The following HPF1 variants were observed in gnomAD, a reference collection of about 807,000 sequenced individuals.
The protein encoded by HPF1 is UPF0609 protein C4orf27.
Under a neutral mutation model 38.8 loss-of-function variants are expected in HPF1, and 35 were observed. That is an observed-to-expected ratio of 0.90 (90% CI 0.69 to 1.19). HPF1 has a LOEUF of 1.19. HPF1 is among the 50% of genes most tolerant of loss of function. The pLI is 0.00. For missense variants in HPF1, 367 were observed against 405.8 expected (o/e 0.90, Z 0.82); for synonymous variants, 115 against 139.2 (o/e 0.83, Z 1.22).
intron 4 of HPF1, among the ~76,000 whole-genome samples, chr4:169,746,923 T>TAA (rs35498061): frequency 2.3e-5 from 3 of 130,294 alleles, no homozygotes; most frequent in Admixed American, 8.0e-5. Flanking sequence ...CCAATTAGCT[T>TAA]AAAAAAAAAA....
chr4:169,734,909 T>A (rs1304322491), intron 6 of HPF1, among the ~76,000 whole-genome samples: 1 of 152,028 alleles, frequency 6.6e-6, no homozygotes, highest in East Asian at 1.9e-4. Flanking sequence ...GTAGATAACT[T>A]GAGGTCAGGA....
chr4:169,751,992 A>C (rs1335207079), intron 2 of HPF1, among the ~76,000 whole-genome samples: 1 of 152,070 alleles, frequency 6.6e-6, no homozygotes, highest in African/African-American at 2.4e-5. Context: ...AAATGTTCTG[A>C]ATATTTTTCC....
intron 4 of HPF1, among the ~76,000 whole-genome samples, chr4:169,743,879 G>GAAA (rs757305554): frequency 6.8e-6 from 1 of 146,192 alleles, no homozygotes. Context: ...TACTTATCAG[G>GAAA]AAAAAAAAAA....
intron 5 of HPF1, among the ~76,000 whole-genome samples, chr4:169,740,159 T>C (rs1312161893): frequency 2.0e-5 from 3 of 152,038 alleles, no homozygotes; most frequent in Non-Finnish European, 4.4e-5. Context: ...TATGAAGAAA[T>C]CCAGGTATGA....
At chr4:169,735,752 T>C (rs1733883533) in intron 6 of HPF1, among the ~76,000 whole-genome samples, 1 of 151,960 alleles carries the variant, frequency 6.6e-6, no homozygotes, top group Non-Finnish European at 1.5e-5. Flanking sequence ...GATGACTTAG[T>C]GTAGAAGCAG....
intron 5 of HPF1, among the ~76,000 whole-genome samples, chr4:169,741,317 C>G (rs1482949995): frequency 1.3e-5 from 2 of 152,154 alleles, no homozygotes; most frequent in African/African-American, 4.8e-5. Flanking sequence ...CTGGGGAGCC[C>G]TCATTCCAGT....
At chr4:169,733,853 C>A (rs1733860811) in intron 6 of HPF1, among the ~76,000 whole-genome samples, 1 of 150,548 alleles carries the variant, frequency 6.6e-6, no homozygotes, top group African/African-American at 2.4e-5. Context: ...CGTGGTCATG[C>A]CACTGCACTC....
intron 7 of HPF1, among the ~76,000 whole-genome samples, chr4:169,730,752 G>A (rs561001919): frequency 4.6e-5 from 7 of 152,314 alleles, no homozygotes; most frequent in South Asian, 2.1e-4. Flanking sequence ...CAGCATGACC[G>A]TCACCTGGGA....
chr4:169,737,298 A>C (rs1261503718), intron 6 of HPF1, among the ~76,000 whole-genome samples: 2 of 149,824 alleles, frequency 1.3e-5, no homozygotes, highest in African/African-American at 5.0e-5. Context: ...TCAAAAAAAA[A>C]AAAAAAAAAC....
chr4:169,741,577 CA>C (rs1365511547), intron 5 of HPF1, among the ~76,000 whole-genome samples: 1 of 152,134 alleles, frequency 6.6e-6, no homozygotes, highest in African/African-American at 2.4e-5. Context: ...AAGAAAGGAG[CA>C]CTGCTTATAT....
chr4:169,739,773 C>A (rs1271221817), intron 5 of HPF1, among the ~76,000 whole-genome samples: 2 of 152,002 alleles, frequency 1.3e-5, no homozygotes, highest in Non-Finnish European at 2.9e-5. Flanking sequence ...TGCAGCCGCT[C>A]AAAATTATGA....
rs373842155 is a variant in HPF1, at chr4:169,735,750, A to G, written c.736+1910T>C. Among the ~76,000 whole-genome samples the G allele has an allele frequency of 4.6e-5, 7 of 152,280 alleles. No homozygotes were observed. The South Asian group carries it at 6.2e-4, about 14-fold the overall frequency. On this transcript the variant is annotated intron_variant, in intron 6 of 7. Coordinates refer to ENST00000393381, the MANE Select transcript of HPF1 (RefSeq NM_017867.3). ...CAGAGACATGAAGAGAAGATGACTT[A>G]GTGTAGAAGCAGAAGACTGACCAGT... is the stretch of plus-strand genomic sequence containing the variant.
intron 6 of HPF1, among the ~76,000 whole-genome samples, chr4:169,734,459 G>A (rs1733868530): frequency 6.6e-6 from 1 of 152,096 alleles, no homozygotes; most frequent in Non-Finnish European, 1.5e-5. Context: ...GGACTAAAAA[G>A]AATAAGCAAC....
chr4:169,744,677 T>C (rs1734023637), intron 4 of HPF1, among the ~76,000 whole-genome samples: 1 of 152,240 alleles, frequency 6.6e-6, no homozygotes, highest in African/African-American at 2.4e-5. Flanking sequence ...ACAGTGGTAT[T>C]ACAAGTTTCT....
Position 169,747,841 on chromosome 4 carries a change from G to A in HPF1, c.497+903C>T, listed in dbSNP as rs1458614527. 2.0e-5 allele frequency among the ~76,000 whole-genome samples: 3 copies of A among 152,364 alleles called. No homozygotes were observed. In the East Asian group the frequency reaches 5.8e-4, roughly 29 times the overall value. On this transcript the variant is annotated intron_variant, in intron 4 of 7. Coordinates refer to ENST00000393381, the MANE Select transcript of HPF1 (RefSeq NM_017867.3). ...AATGAGCACAGCTGTAGAGGCATCT[G>A]ATGGTTCTGCAGCAGCTGTAGCTGA...
At chr4:169,733,099 A>G (rs572508075) in intron 6 of HPF1, among the ~76,000 whole-genome samples, 15 of 152,262 alleles carry the variant, frequency 9.9e-5, no homozygotes, top group East Asian at 1.9e-4. Flanking sequence ...GAAAAAGACA[A>G]CAATGTAAGA....
chr4:169,754,059 T>C (rs543115259), intron 1 of HPF1, among the ~76,000 whole-genome samples: 1 of 152,230 alleles, frequency 6.6e-6, no homozygotes, highest in African/African-American at 2.4e-5. Flanking sequence ...TTAAATATAT[T>C]TTTGTAAGAT....
chr4:169,753,601 G>T, intron 2 of HPF1, 75 bp downstream of exon 2: 1 of 1,278,562 alleles, frequency 7.8e-7, no homozygotes, highest in Non-Finnish European at 1.1e-6. Flanking sequence ...TACAGAGTGT[G>T]AGCCACCACA....
At chr4:169,740,028 A>T (rs997889355) in intron 5 of HPF1, among the ~76,000 whole-genome samples, 1 of 152,228 alleles carries the variant, frequency 6.6e-6, no homozygotes, top group Admixed American at 6.5e-5. Context: ...TAAGAAATTA[A>T]GAAGAATAAG....
Sources: allele counts gnomAD v4.1 joint callset (sites outside exome capture counted in the v4.1 genomes callset), GRCh38; gene constraint gnomAD v4.1.1; transcripts MANE v1.5; gene names NCBI Gene and HGNC (gene_info 2026-07-23, HGNC 2026-07-21).